PPP1R12B: variants seen among roughly 807,000 people sequenced by gnomAD.
PPP1R12B encodes myosin phosphatase target subunit 2.
Under a neutral mutation model 126.1 loss-of-function variants are expected in PPP1R12B, and 76 were observed. The ratio of observed to expected loss-of-function variants is 0.60; its 90% CI spans 0.50 to 0.73. The LOEUF is 0.73. Ranked by LOEUF, PPP1R12B falls within the 30% of genes least tolerant of loss-of-function variation. The probability of loss-of-function intolerance (pLI) is 0.00; values close to 1 mark genes in which losing one functional copy is unlikely to be tolerated. For synonymous variants in PPP1R12B, 356 were observed against 434.7 expected (o/e 0.82, Z 2.25); for missense variants, 1,052 against 1,205.1 (o/e 0.87, Z 1.88).
intron 1 of PPP1R12B, among the ~76,000 whole-genome samples, chr1:202,365,744 C>T (rs1659100724): frequency 6.6e-6 from 1 of 152,124 alleles, no homozygotes; most frequent in African/African-American, 2.4e-5. Context: ...CCTCTTAGCA[C>T]CTGTAATGAC....
chr1:202,513,254 G>A (rs559757705), intron 18 of PPP1R12B, among the ~76,000 whole-genome samples: 2 of 152,082 alleles, frequency 1.3e-5, no homozygotes, highest in South Asian at 4.2e-4. Flanking sequence ...GATTACAGGC[G>A]TGAGCCACTA....
Position 202,580,594 on chromosome 1 carries a change from C to G in PPP1R12B, c.*34C>G, listed in dbSNP as rs1689494230. On this transcript the variant is annotated 3_prime_UTR_variant, in exon 24 of 24. Transcript: ENST00000608999. ...CCAGATTTATGAGGAAAGAAAGGGA[C>G]AGCATTTGCTGCCCCCACCCCTCTT... is the stretch of plus-strand genomic sequence containing the variant. 6.4e-7 allele frequency: 1 copy of G among 1,552,484 alleles called. No individual in the cohort carries two copies. The highest frequency in any genetic ancestry group is 1.1e-5 in the South Asian group (1 of 89,812).
At chr1:202,398,186 C>T (rs539292035) in intron 1 of PPP1R12B, among the ~76,000 whole-genome samples, 2 of 152,226 alleles carry the variant, frequency 1.3e-5, no homozygotes, top group African/African-American at 4.8e-5. Flanking sequence ...GGGAAATAGA[C>T]CACTGGAAAA....
At chr1:202,521,824 A>G (rs934802003) in intron 18 of PPP1R12B, among the ~76,000 whole-genome samples, 1 of 152,264 alleles carries the variant, frequency 6.6e-6, no homozygotes, top group African/African-American at 2.4e-5. Flanking sequence ...GAATTTTTTC[A>G]GAAATGAAGC....
chr1:202,463,851 A>T (rs1437131462), intron 13 of PPP1R12B, among the ~76,000 whole-genome samples: 1 of 152,198 alleles, frequency 6.6e-6, no homozygotes, highest in African/African-American at 2.4e-5. Context: ...CTCTGAATTC[A>T]GCCTACCCAG....
chr1:202,377,832 GTTTTTTT>G (rs74860606), intron 1 of PPP1R12B, among the ~76,000 whole-genome samples: 7 of 97,304 alleles, frequency 7.2e-5, no homozygotes, highest in African/African-American at 2.0e-4. Flanking sequence ...AAAGACAGGT[GTTTTTTT>G]TTTTTTTTTT....
intron 1 of PPP1R12B, among the ~76,000 whole-genome samples, chr1:202,355,811 A>G (rs1656969729): frequency 6.6e-6 from 1 of 152,232 alleles, no homozygotes; most frequent in Non-Finnish European, 1.5e-5. Context: ...GAATTGTGTT[A>G]TTCAGGTAGA....
chr1:202,367,365 C>T (rs1179667355), intron 1 of PPP1R12B, among the ~76,000 whole-genome samples: 1 of 152,122 alleles, frequency 6.6e-6, no homozygotes, highest in Non-Finnish European at 1.5e-5. Flanking sequence ...GTGCCTTATT[C>T]TTAGTAGGCA....
At chr1:202,408,120 C>A (rs1252219446) in intron 1 of PPP1R12B, among the ~76,000 whole-genome samples, 1 of 152,060 alleles carries the variant, frequency 6.6e-6, no homozygotes, top group Non-Finnish European at 1.5e-5. Context: ...GTCTTGCAAC[C>A]AGTTCCCCAT....
rs1268486002 is a variant in PPP1R12B, at chr1:202,585,667, T to C, written c.*5107T>C. 6.6e-6 allele frequency: 1 copy of C among 152,232 alleles called. No individual in the cohort carries two copies. Among genetic ancestry groups the C allele is most frequent in the African/African-American group, 2.4e-5 (1 of 41,462 alleles). 9.4% of individuals were successfully genotyped at this position (152,232 alleles called of 1,614,324 possible). A position where few individuals can be genotyped will look rare whatever the true frequency, so the allele number is the denominator to read the frequency against. ...TGTTTTCTTCTGGATTTAAACTGTT[T>C]AATATGAGCACATCAAGGTTGACTT... On this transcript the variant is annotated 3_prime_UTR_variant, in exon 24 of 24. Coordinates refer to ENST00000608999, the MANE Select transcript of PPP1R12B (RefSeq NM_002481.4).
rs867881269 is a variant in PPP1R12B at position 202,419,902 on chromosome 1, T to G, written c.423-2718T>G. On this transcript the variant is annotated intron_variant, in intron 2 of 23. Transcript: ENST00000608999. The surrounding 1 kb of genome is among the most constrained non-coding windows in gnomAD (Gnocchi z 4.6). ...CAGAGATCAAGTTGAGATCAATACTTAAAAGGGAAAAGCAGCATGGTCACA... is the reference window on the plus strand; with the variant it reads ...CAGAGATCAAGTTGAGATCAATACTGAAAAGGGAAAAGCAGCATGGTCACA... Among the ~76,000 whole-genome samples, 2 of 152,226 alleles carry G rather than the reference T, an allele frequency of 1.3e-5. No homozygotes were observed. Among genetic ancestry groups the G allele is most frequent in the Middle Eastern group, 3.4e-3 (1 of 292 alleles).
chr1:202,485,137 G>A (rs978339823), intron 13 of PPP1R12B, among the ~76,000 whole-genome samples: 6 of 152,128 alleles, frequency 3.9e-5, no homozygotes, highest in African/African-American at 1.4e-4. Context: ...CAGCAGTTAG[G>A]CAGTTTCCCC....
chr1:202,564,946 G>A (rs1687921801), intron 21 of PPP1R12B, among the ~76,000 whole-genome samples: 1 of 152,116 alleles, frequency 6.6e-6, no homozygotes, highest in Non-Finnish European at 1.5e-5. Flanking sequence ...TAAACCTAGG[G>A]CAGAGAGATA....
intron 10 of PPP1R12B, among the ~76,000 whole-genome samples, chr1:202,440,416 CCT>C (rs112586590): frequency 6.1e-4 from 93 of 152,284 alleles, no homozygotes; most frequent in African/African-American, 2.1e-3. Context: ...AGGCTTTCCT[CCT>C]CTCTTGACAG....
intron 13 of PPP1R12B, among the ~76,000 whole-genome samples, chr1:202,458,011 C>G (rs1673861567): frequency 6.6e-6 from 1 of 151,944 alleles, no homozygotes; most frequent in South Asian, 2.1e-4. Flanking sequence ...TAAATAGGAT[C>G]ACTCAAAAGC....
At chr1:202,489,890 T>C (rs544481331) in intron 14 of PPP1R12B, among the ~76,000 whole-genome samples, 85 of 152,326 alleles carry the variant, frequency 5.6e-4, no homozygotes, top group South Asian at 3.7e-3. Flanking sequence ...GAGGGAGTCA[T>C]TGAAGCAGTT....
chr1:202,555,745 G>A (rs1435205310), intron 18 of PPP1R12B, among the ~76,000 whole-genome samples: 2 of 152,176 alleles, frequency 1.3e-5, no homozygotes, highest in Non-Finnish European at 2.9e-5. Flanking sequence ...GTTCTACTCA[G>A]AAGCACTGAG....
intron 13 of PPP1R12B, among the ~76,000 whole-genome samples, chr1:202,469,568 C>T (rs1267561442): frequency 6.6e-6 from 1 of 152,040 alleles, no homozygotes; most frequent in East Asian, 1.9e-4. Flanking sequence ...TGTTCTGTAT[C>T]TTGATTACAG....
At chr1:202,571,446 T>TG in intron 23 of PPP1R12B, among the ~76,000 whole-genome samples, 1 of 46,618 alleles carries the variant, frequency 2.1e-5, no homozygotes, top group African/African-American at 4.6e-5. Flanking sequence ...CTGTTTTTTG[T>TG]TTTTTTTTTC....
Sources: allele counts gnomAD v4.1 joint callset (sites outside exome capture counted in the v4.1 genomes callset), GRCh38; gene constraint gnomAD v4.1.1; non-coding constraint Gnocchi (gnomAD v3.1); transcripts MANE v1.5; gene names NCBI Gene and HGNC (gene_info 2026-07-23, HGNC 2026-07-21).